The following SFMBT2 variants were observed in gnomAD, a reference collection of about 807,000 sequenced individuals.
The protein encoded by SFMBT2 is scm-like with four MBT domains protein 2.
A neutral mutation model predicts 110.1 loss-of-function variants in SFMBT2; 38 were observed. That is an observed-to-expected ratio of 0.35 (90% CI 0.27 to 0.45). The LOEUF (loss-of-function observed/expected upper bound fraction) is 0.45. Ranked by LOEUF, SFMBT2 falls within the 20% of genes least tolerant of loss-of-function variation. The pLI is 1.00. For missense variants in SFMBT2, 1,011 were observed against 1,094.9 expected, an observed-to-expected ratio of 0.92 and a Z score of 1.08; for synonymous variants, 425 against 425.4, an observed-to-expected ratio of 1.00 and a Z score of 0.01.
At chr10:7,305,826 A>G (rs1293045642) in intron 4 of SFMBT2, among the ~76,000 whole-genome samples, 1 of 152,246 alleles carries the variant, frequency 6.6e-6, no homozygotes, top group Non-Finnish European at 1.5e-5. Flanking sequence ...GACTCCAGTG[A>G]AATCACTTAA....
At chr10:7,270,710 A>T (rs1162359903) in intron 7 of SFMBT2, among the ~76,000 whole-genome samples, 1 of 152,228 alleles carries the variant, frequency 6.6e-6, no homozygotes, top group Non-Finnish European at 1.5e-5. Flanking sequence ...TAATGCTCAC[A>T]TACCCTACCA....
In SFMBT2 at chr10:7,250,726, C is replaced by T. The variant is rs543758988; in HGVS notation, c.871-2077G>A. Among the ~76,000 whole-genome samples, 287 of 152,364 alleles carry T rather than the reference C, an allele frequency of 1.9e-3. 2 individuals are homozygous for T. Among genetic ancestry groups the T allele is most frequent in the Non-Finnish European group, 3.1e-3 (212 of 68,030 alleles). The stretch of plus-strand genomic sequence containing the variant: ...GTGTGTAAGTGTTCCCTGTTCTCCA[C>T]AGCCTCACCAGCATCTGTTATTTGT... On this transcript the variant is annotated intron_variant, in intron 7 of 20. Coordinates refer to ENST00000397167, the MANE Select transcript of SFMBT2 (RefSeq NM_001387889.1).
rs1157965574 is a variant in SFMBT2 at position 7,293,494 on chromosome 10, C to T, written c.437-7540G>A. Among the ~76,000 whole-genome samples the T allele has an allele frequency of 6.6e-6, 1 of 152,110 alleles. No individual in the cohort carries two copies. The highest frequency in any genetic ancestry group is 1.9e-4 in the East Asian group (1 of 5,186). ...CAGAAATGTCCCTGAGGCTTTCTGG[C>T]CCAAGCACTTGAAGAATGGAGTTGC... is the stretch of plus-strand genomic sequence containing the variant. On this transcript the variant is annotated intron_variant, in intron 4 of 20. Coordinates refer to ENST00000397167, the MANE Select transcript of SFMBT2 (RefSeq NM_001387889.1). This position sits in a 1 kb window ranked among gnomAD's most constrained non-coding sequence, Gnocchi z 4.6.
intron 4 of SFMBT2, among the ~76,000 whole-genome samples, chr10:7,309,219 G>A (rs1041558364): frequency 2.0e-5 from 3 of 152,212 alleles, no homozygotes; most frequent in East Asian, 1.9e-4. Context: ...TGCAAGGAAG[G>A]GGGACCTTCT....
intron 9 of SFMBT2, among the ~76,000 whole-genome samples, chr10:7,234,580 G>A (rs1284771084): frequency 6.6e-6 from 1 of 152,134 alleles, no homozygotes; most frequent in African/African-American, 2.4e-5. Flanking sequence ...ATGACCTAGA[G>A]AGTTTTACTA....
intron 4 of SFMBT2, among the ~76,000 whole-genome samples, chr10:7,299,676 G>A (rs762379991): frequency 1.3e-5 from 2 of 152,138 alleles, no homozygotes; most frequent in African/African-American, 4.8e-5. Flanking sequence ...ACAGTATGGC[G>A]ATTCCTCAAA....
intron 11 of SFMBT2, among the ~76,000 whole-genome samples, chr10:7,209,023 T>A (rs75281816): frequency 0.01 from 1,528 of 152,326 alleles, 24 homozygotes; most frequent in African/African-American, 0.035. Flanking sequence ...AAAAGTCAGT[T>A]ATTTATCACC....
chr10:7,215,705 C>T (rs776419412), intron 11 of SFMBT2: 12 of 985,430 alleles, frequency 1.2e-5, no homozygotes, highest in Non-Finnish European at 1.3e-5. Flanking sequence ...GGGCGGCTGG[C>T]CGATGAATTT....
chr10:7,405,842 T>A (rs1351540818), intron 1 of SFMBT2, among the ~76,000 whole-genome samples: 1 of 35,402 alleles, frequency 2.8e-5, no homozygotes, highest in Non-Finnish European at 5.6e-5. Flanking sequence ...ACCCCCGCTC[T>A]CTCTGTCAGG....
intron 15 of SFMBT2, among the ~76,000 whole-genome samples, chr10:7,193,437 G>A (rs1437384906): frequency 6.6e-6 from 1 of 152,196 alleles, no homozygotes; most frequent in Non-Finnish European, 1.5e-5. Context: ...AGCCACCCTG[G>A]GATTTTCTCC....
At chr10:7,189,374 T>C (rs1346186797) in intron 15 of SFMBT2, among the ~76,000 whole-genome samples, 1 of 152,134 alleles carries the variant, frequency 6.6e-6, no homozygotes, top group Non-Finnish European at 1.5e-5. Context: ...AGCATGTGTC[T>C]ACCATGGGGC....
At chr10:7,333,673 C>T (rs1001162994) in intron 4 of SFMBT2, among the ~76,000 whole-genome samples, 12 of 151,650 alleles carry the variant, frequency 7.9e-5, no homozygotes, top group African/African-American at 2.9e-4. Context: ...ACTCACCTTT[C>T]ACATAGCTTT....
At chr10:7,401,130 C>A (rs1846071184) in intron 1 of SFMBT2, among the ~76,000 whole-genome samples, 1 of 151,662 alleles carries the variant, frequency 6.6e-6, no homozygotes, top group African/African-American at 2.4e-5. Context: ...GAGACTCCGT[C>A]ATAAAAAAAA....
In SFMBT2 at chr10:7,159,806, T is replaced by C. The variant is rs1219573962; in HGVS notation, c.*3964A>G. The C allele has an allele frequency of 6.6e-6, 1 of 152,134 alleles. No individual in the cohort carries two copies. The highest frequency in any genetic ancestry group is 1.9e-4 in the East Asian group (1 of 5,202). The allele number at this position is 152,134 out of a possible 1,614,324, so 9.4% of individuals were successfully genotyped here. A position where few individuals can be genotyped will look rare whatever the true frequency, so the allele number is the denominator to read the frequency against. On this transcript the variant is annotated 3_prime_UTR_variant, in exon 21 of 21. Transcript: ENST00000397167. ...GAAATAAATATAAATGGGTGTTCTA[T>C]AAAATAAGTATGAAAACCCCTAGTA...
At chr10:7,377,773 C>T (rs1341723472) in intron 2 of SFMBT2, among the ~76,000 whole-genome samples, 2 of 152,206 alleles carry the variant, frequency 1.3e-5, no homozygotes, top group Non-Finnish European at 2.9e-5. Context: ...AGCTCCCTCA[C>T]CTGACACTCA....
intron 15 of SFMBT2, among the ~76,000 whole-genome samples, chr10:7,192,719 C>G (rs1838637221): frequency 1.3e-5 from 2 of 152,150 alleles, no homozygotes; most frequent in South Asian, 4.1e-4. Context: ...CTGGAAAGAT[C>G]CCAAACTGCA....
At position 7,259,087 on chromosome 10, in the gene SFMBT2, G is replaced by A. The variant is rs768714952; in HGVS notation, c.871-10438C>T. On this transcript the variant is annotated intron_variant, in intron 7 of 20. Coordinates refer to ENST00000397167, the MANE Select transcript of SFMBT2 (RefSeq NM_001387889.1). ...GCAGGATGTGGTGGACGCTGAGGGG[G>A]CCCCTAAATGCATTAACTCAACTGC... 3.3e-5 allele frequency among the ~76,000 whole-genome samples: 5 copies of A among 152,156 alleles called. No homozygotes were observed. In the East Asian group the frequency reaches 7.7e-4, roughly 23 times the overall value.
intron 20 of SFMBT2, among the ~76,000 whole-genome samples, chr10:7,166,859 C>T (rs1837711185): frequency 6.6e-6 from 1 of 152,194 alleles, no homozygotes. Context: ...CAGAAAGCCA[C>T]TTTATCTGGA....
At chr10:7,252,106 G>A (rs1246088020) in intron 7 of SFMBT2, among the ~76,000 whole-genome samples, 2 of 152,176 alleles carry the variant, frequency 1.3e-5, no homozygotes, top group African/African-American at 4.8e-5. Flanking sequence ...TACATCGCAG[G>A]CCCTCAACCT....
Sources: allele counts gnomAD v4.1 joint callset (sites outside exome capture counted in the v4.1 genomes callset), GRCh38; gene constraint gnomAD v4.1.1; non-coding constraint Gnocchi (gnomAD v3.1); transcripts MANE v1.5; gene names NCBI Gene and HGNC (gene_info 2026-07-23, HGNC 2026-07-21).